RAB27B: variants seen among roughly 807,000 people sequenced by gnomAD.
The protein encoded by RAB27B is ras-related protein Rab-27B.
RAB27B carries 15 observed loss-of-function variants against 24.6 expected under a neutral mutation model. The ratio of observed to expected loss-of-function variants is 0.61; its 90% CI spans 0.41 to 0.94. The LOEUF is 0.94. RAB27B is among the 40% of genes least tolerant of loss of function. The probability of loss-of-function intolerance (pLI) is 0.00; values close to 1 mark genes in which losing one functional copy is unlikely to be tolerated. For missense variants in RAB27B, 261 were observed against 266.8 expected, an observed-to-expected ratio of 0.98 and a Z score of 0.15; for synonymous variants, 105 against 92.5, an observed-to-expected ratio of 1.14 and a Z score of -0.78.
intron 1 of RAB27B, among the ~76,000 whole-genome samples, chr18:54,835,263 G>T (rs951881673): frequency 6.6e-6 from 1 of 151,820 alleles, no homozygotes; most frequent in South Asian, 2.1e-4. Flanking sequence ...ATTGACTCAG[G>T]TGCCTCCTTG....
At chr18:54,884,919 T>C (rs1402595666) in intron 4 of RAB27B, among the ~76,000 whole-genome samples, 1 of 152,110 alleles carries the variant, frequency 6.6e-6, no homozygotes, top group African/African-American at 2.4e-5. Context: ...GATGATAAGG[T>C]GAGGCATAGC....
At chr18:54,754,301 G>A (rs1333534297) in intron 2 of RAB27B, among the ~76,000 whole-genome samples, 1 of 151,454 alleles carries the variant, frequency 6.6e-6, no homozygotes, top group Non-Finnish European at 1.5e-5. Context: ...ATAATTGTAA[G>A]TTTCCTGAGG....
At chr18:54,765,363 T>G (rs1456052462) in intron 2 of RAB27B, among the ~76,000 whole-genome samples, 1 of 152,168 alleles carries the variant, frequency 6.6e-6, no homozygotes, top group African/African-American at 2.4e-5. Context: ...ACACCCTAAG[T>G]TCTATATTCC....
At chr18:54,849,917 A>G (rs1364797497) in intron 1 of RAB27B, among the ~76,000 whole-genome samples, 1 of 152,164 alleles carries the variant, frequency 6.6e-6, no homozygotes, top group Non-Finnish European at 1.5e-5. Flanking sequence ...TCTCTGGTAA[A>G]TATTTACTCA....
Position 54,890,390 on chromosome 18 carries a change from G to T in RAB27B, c.*977G>T, listed in dbSNP as rs1913321628. 1 of 152,092 alleles carries T rather than the reference G, an allele frequency of 6.6e-6. No homozygotes were observed. Among genetic ancestry groups the T allele is most frequent in the Non-Finnish European group, 1.5e-5 (1 of 68,002 alleles). The allele number at this position is 152,092 out of a possible 1,614,324, so 9.4% of individuals were successfully genotyped here. A position where few individuals can be genotyped will look rare whatever the true frequency, so the allele number is the denominator to read the frequency against. ...CGGTTTATTAAATCTCTTTTAAAAT[G>T]CAGTCAAGGAAAACTAGCCTTGAAT... is the stretch of plus-strand genomic sequence containing the variant. On this transcript the variant is annotated 3_prime_UTR_variant, in exon 6 of 6. Transcript: ENST00000262094.
chr18:54,822,937 A>T (rs1244756344), intron 2 of RAB27B, among the ~76,000 whole-genome samples: 1 of 152,240 alleles, frequency 6.6e-6, no homozygotes, highest in African/African-American at 2.4e-5. Flanking sequence ...AAAATTAGAC[A>T]AAATTACAAT....
At chr18:54,866,369 C>T (rs776524778) in intron 1 of RAB27B, among the ~76,000 whole-genome samples, 2 of 152,020 alleles carry the variant, frequency 1.3e-5, no homozygotes, top group Non-Finnish European at 2.9e-5. Flanking sequence ...TATATCTTCT[C>T]ACCGCAACCT....
intron 1 of RAB27B, among the ~76,000 whole-genome samples, chr18:54,875,341 T>A (rs4801107): frequency 0.9 from 137,426 of 152,068 alleles, 63,730 homozygotes; most frequent in East Asian, 1. Context: ...AAAAACAAAT[T>A]TTTTTTTGGA....
chr18:54,840,982 A>T (rs1911085522), intron 1 of RAB27B, among the ~76,000 whole-genome samples: 1 of 152,042 alleles, frequency 6.6e-6, no homozygotes, highest in Non-Finnish European at 1.5e-5. Flanking sequence ...CCCCGTCTCT[A>T]CCAAAAATAC....
At chr18:54,812,186 ATGT>A (rs1386076764) in intron 2 of RAB27B, among the ~76,000 whole-genome samples, 6 of 152,174 alleles carry the variant, frequency 3.9e-5, no homozygotes, top group East Asian at 1.9e-4. Flanking sequence ...AAAGATAAAC[ATGT>A]TGTTGTATTA....
At chr18:54,830,251 T>C (rs1229657914) in intron 1 of RAB27B, among the ~76,000 whole-genome samples, 1 of 152,218 alleles carries the variant, frequency 6.6e-6, no homozygotes, top group Non-Finnish European at 1.5e-5. Context: ...GGTTTCAGAA[T>C]TGCTGTTCAT....
chr18:54,875,448 A>C (rs1285710700), intron 1 of RAB27B, among the ~76,000 whole-genome samples: 1 of 152,186 alleles, frequency 6.6e-6, no homozygotes, highest in Non-Finnish European at 1.5e-5. Context: ...CCTTCATGGC[A>C]ATAATTGAGA....
intron 2 of RAB27B, among the ~76,000 whole-genome samples, chr18:54,767,908 G>T (rs937238942): frequency 6.6e-6 from 1 of 152,148 alleles, no homozygotes; most frequent in African/African-American, 2.4e-5. Context: ...ATCTCAGGGA[G>T]TGCTTGTGTT....
chr18:54,798,841 T>C (rs1465459737), intron 2 of RAB27B, among the ~76,000 whole-genome samples: 6 of 152,238 alleles, frequency 3.9e-5, no homozygotes, highest in Non-Finnish European at 8.8e-5. Flanking sequence ...TATAGCCACA[T>C]CTTATAAATT....
upstream of RAB27B, among the ~76,000 whole-genome samples, chr18:54,825,616 C>G (rs1378587876): frequency 6.6e-6 from 1 of 151,970 alleles, no homozygotes; most frequent in African/African-American, 2.4e-5. Flanking sequence ...ATATAAATTT[C>G]TTTTTTATTC....
chr18:54,839,982 T>C (rs1885931455), intron 1 of RAB27B, among the ~76,000 whole-genome samples: 1 of 152,196 alleles, frequency 6.6e-6, no homozygotes, highest in Non-Finnish European at 1.5e-5. Flanking sequence ...CAAAAGATGC[T>C]TTTTTGCAGA....
intron 1 of RAB27B, among the ~76,000 whole-genome samples, chr18:54,835,514 A>T (rs892050279): frequency 2.0e-5 from 3 of 151,978 alleles, no homozygotes. Context: ...CAAGGTTTGG[A>T]AGTAAACGCT....
intron 2 of RAB27B, among the ~76,000 whole-genome samples, chr18:54,765,936 G>T (rs1329029094): frequency 6.6e-6 from 1 of 152,154 alleles, no homozygotes; most frequent in Non-Finnish European, 1.5e-5. Flanking sequence ...ATATGTTTGG[G>T]AAATTATGAG....
intron 1 of RAB27B, among the ~76,000 whole-genome samples, chr18:54,831,829 GC>G (rs2145184928): frequency 6.6e-6 from 1 of 151,980 alleles, no homozygotes; most frequent in East Asian, 1.9e-4. Context: ...AGGCTGGAGT[GC>G]CCTGGCACGA....
Sources: allele counts gnomAD v4.1 joint callset (sites outside exome capture counted in the v4.1 genomes callset), GRCh38; gene constraint gnomAD v4.1.1; transcripts MANE v1.5; gene names NCBI Gene and HGNC (gene_info 2026-07-23, HGNC 2026-07-21).